The following FAM107B variants were observed in gnomAD, a reference collection of about 807,000 sequenced individuals.
FAM107B encodes protein FAM107B.
A neutral mutation model predicts 31.5 loss-of-function variants in FAM107B; 21 were observed. The ratio of observed to expected loss-of-function variants is 0.67; its 90% confidence interval spans 0.47 to 0.96. FAM107B has a LOEUF of 0.96. FAM107B is among the 40% of genes least tolerant of loss of function. The pLI is 0.00. For missense variants in FAM107B, 452 were observed against 377.1 expected, an observed-to-expected ratio of 1.20 and a Z score of -1.64; for synonymous variants, 157 against 141.5, an observed-to-expected ratio of 1.11 and a Z score of -0.78.
intron 2 of FAM107B, among the ~76,000 whole-genome samples, chr10:14,586,444 T>C (rs1851840637): frequency 6.6e-6 from 1 of 152,190 alleles, no homozygotes; most frequent in Non-Finnish European, 1.5e-5. Context: ...ATTCATATTA[T>C]TTAAGCCCTA....
At chr10:14,727,881 T>C (rs1259205121) in intron 1 of FAM107B, among the ~76,000 whole-genome samples, 1 of 152,226 alleles carries the variant, frequency 6.6e-6, no homozygotes, top group African/African-American at 2.4e-5. Flanking sequence ...ATAGAAAAGT[T>C]CTGTGTAGAT....
chr10:14,563,525 C>G (rs1431344481), intron 2 of FAM107B, among the ~76,000 whole-genome samples: 1 of 152,100 alleles, frequency 6.6e-6, no homozygotes, highest in Non-Finnish European at 1.5e-5. Flanking sequence ...TTATAGGTGA[C>G]TTAACTATTC....
intron 2 of FAM107B, chr10:14,661,424 G>C (rs1854235896): frequency 6.6e-6 from 1 of 152,238 alleles, no homozygotes; most frequent in South Asian, 2.1e-4. Flanking sequence ...CCAATCTGTG[G>C]AGGGTCTGAA....
rs947311244 is a variant in FAM107B at position 14,519,026 on chromosome 10, C to A, written c.*2164G>T. 6.6e-6 allele frequency: 1 copy of A among 152,548 alleles called. No homozygotes were observed. Among genetic ancestry groups the A allele is most frequent in the Non-Finnish European group, 1.5e-5 (1 of 68,040 alleles). 9.4% of individuals were successfully genotyped at this position (152,548 alleles called of 1,614,324 possible). On this transcript the variant is annotated 3_prime_UTR_variant, in exon 5 of 5. Transcript: ENST00000181796. ...ACTTCAAAGAGCTTCTCTGCCTATA[C>A]ATTCCACCGTTTAGCATAAGACACC...
At chr10:14,534,304 T>C (rs1284524705) in intron 2 of FAM107B, among the ~76,000 whole-genome samples, 1 of 152,072 alleles carries the variant, frequency 6.6e-6, no homozygotes, top group Non-Finnish European at 1.5e-5. Context: ...GTCTTTGTAC[T>C]CAGGGCAGTG....
intron 1 of FAM107B, among the ~76,000 whole-genome samples, chr10:14,690,805 G>A (rs1032609053): frequency 6.6e-6 from 1 of 152,126 alleles, no homozygotes; most frequent in Non-Finnish European, 1.5e-5. Flanking sequence ...AGGGCCATCT[G>A]TTTCCTGCTG....
chr10:14,583,119 A>C (rs943124046), intron 2 of FAM107B, among the ~76,000 whole-genome samples: 3 of 151,988 alleles, frequency 2.0e-5, no homozygotes, highest in African/African-American at 7.2e-5. Context: ...AGAAAGAAAG[A>C]AAGCCAAAGC....
chr10:14,629,457 T>TATATAA (rs1853287135), intron 2 of FAM107B, among the ~76,000 whole-genome samples: 2 of 36,874 alleles, frequency 5.4e-5, no homozygotes, highest in South Asian at 1.0e-3. Context: ...TATATATATA[T>TATATAA]TATATATATA....
At chr10:14,686,837 T>G (rs1012483901) in intron 1 of FAM107B, among the ~76,000 whole-genome samples, 1 of 152,342 alleles carries the variant, frequency 6.6e-6, no homozygotes, top group South Asian at 2.1e-4. Flanking sequence ...GAGGGGCAGG[T>G]GGAGCCAATG....
At chr10:14,652,319 C>T (rs1027186421) in intron 2 of FAM107B, among the ~76,000 whole-genome samples, 2 of 152,218 alleles carry the variant, frequency 1.3e-5, no homozygotes, top group Non-Finnish European at 2.9e-5. Flanking sequence ...CAGATCCCTG[C>T]TGATAAACTC....
At chr10:14,691,378 C>T (rs1479774067) in intron 1 of FAM107B, among the ~76,000 whole-genome samples, 5 of 152,176 alleles carry the variant, frequency 3.3e-5, no homozygotes, top group African/African-American at 9.7e-5. Flanking sequence ...TGATCAAGTG[C>T]CAGTTCTGCG....
chr10:14,605,060 G>T (rs1852554511), intron 2 of FAM107B, among the ~76,000 whole-genome samples: 2 of 152,296 alleles, frequency 1.3e-5, no homozygotes, highest in South Asian at 4.1e-4. Context: ...AATCCTGCCA[G>T]TTCCTCTTGG....
intron 2 of FAM107B, among the ~76,000 whole-genome samples, chr10:14,565,686 C>G (rs11259191): frequency 2.0e-5 from 3 of 152,110 alleles, no homozygotes; most frequent in Non-Finnish European, 4.4e-5. Context: ...GCAAACGAAG[C>G]GGCTGAAACT....
At chr10:14,598,303 A>T (rs73585613) in intron 2 of FAM107B, among the ~76,000 whole-genome samples, 1,829 of 152,312 alleles carry the variant, frequency 0.012, 40 homozygotes, top group African/African-American at 0.042. Context: ...TTGTGGAACC[A>T]GCTTAACCAT....
chr10:14,576,387 C>T (rs577211265), intron 2 of FAM107B, among the ~76,000 whole-genome samples: 1 of 152,198 alleles, frequency 6.6e-6, no homozygotes, highest in East Asian at 1.9e-4. Context: ...ATTAGCTGGG[C>T]GTGGTGGTGG....
At chr10:14,667,937 T>C (rs1854447920) in intron 1 of FAM107B, among the ~76,000 whole-genome samples, 1 of 152,214 alleles carries the variant, frequency 6.6e-6, no homozygotes, top group African/African-American at 2.4e-5. Flanking sequence ...TGGTAGTGTC[T>C]ATGCATGTTG....
intron 3 of FAM107B, among the ~76,000 whole-genome samples, chr10:14,527,439 T>C (rs1313420992): frequency 2.0e-5 from 3 of 152,252 alleles, no homozygotes; most frequent in Non-Finnish European, 4.4e-5. Flanking sequence ...TAACACATAA[T>C]CTCTGAAATG....
At chr10:14,600,464 C>T (rs913830992) in intron 2 of FAM107B, among the ~76,000 whole-genome samples, 34 of 152,032 alleles carry the variant, frequency 2.2e-4, no homozygotes, top group South Asian at 1.0e-3. Context: ...CTCCATGGCC[C>T]GCCGCACCCA....
At chr10:14,746,101 C>G (rs1335951773) in intron 1 of FAM107B, among the ~76,000 whole-genome samples, 1 of 152,068 alleles carries the variant, frequency 6.6e-6, no homozygotes, top group Non-Finnish European at 1.5e-5. Flanking sequence ...TCTGTTTTGC[C>G]AGAAACTAGA....
Sources: gnomAD v4.1 joint callset for allele counts (sites outside exome capture counted in the v4.1 genomes callset) on GRCh38, gnomAD v4.1.1 for gene constraint, MANE v1.5 for transcripts, NCBI Gene and HGNC (gene_info 2026-07-23, HGNC 2026-07-21) for gene names.